The following MYO1H variants were observed in gnomAD, a reference collection of about 807,000 sequenced individuals.
MYO1H encodes the protein myosin IH.
Under a neutral mutation model 149.3 loss-of-function variants are expected in MYO1H, and 118 were observed. That is an observed-to-expected ratio of 0.79 (90% confidence interval 0.68 to 0.92). The LOEUF is 0.92. Among genes scored for constraint, MYO1H ranks in the 40% least tolerant of loss-of-function variants. The probability of loss-of-function intolerance (pLI) is 0.00; values close to 1 mark genes in which losing one functional copy is unlikely to be tolerated. For missense variants in MYO1H, 1,212 were observed against 1,280.7 expected, an observed-to-expected ratio of 0.95 and a Z score of 0.82; for synonymous variants, 447 against 465.2, an observed-to-expected ratio of 0.96 and a Z score of 0.50.
At chr12:109,433,034 A>C in intron 20 of MYO1H, 24 bp downstream of exon 20, 8 of 1,547,050 alleles carry the variant, frequency 5.2e-6, no homozygotes, top group African/African-American at 1.4e-5. Flanking sequence ...AGACCACCAA[A>C]TGGTCTCTTC....
At chr12:109,397,625 C>T in intron 4 of MYO1H, 107 bp from the exon 5 acceptor site, 2 of 791,390 alleles carry the variant, frequency 2.5e-6, no homozygotes, top group Non-Finnish European at 1.9e-6. Context: ...TCCCTGGCTC[C>T]TTCCGCTCTC....
chr12:109,405,929 T>G, exon 8 of MYO1H: 1 of 1,608,962 alleles, frequency 6.2e-7, no homozygotes, highest in South Asian at 1.1e-5. Context: ...TAGAATCTCT[T>G]TGGAATTATT....
At chr12:109,393,575 C>CCATT in intron 3 of MYO1H, 129 bp downstream of exon 3, 1 of 649,266 alleles carries the variant, frequency 1.5e-6, no homozygotes, top group South Asian at 1.8e-5. Context: ...ATCCATCCAT[C>CCATT]CGCCCACCCA....
intron 2 of MYO1H, 67 bp from the exon 3 acceptor site, chr12:109,393,264 G>A (rs1869736827): frequency 3.2e-6 from 3 of 937,080 alleles, no homozygotes; most frequent in Non-Finnish European, 5.1e-6. Context: ...AACACATGGG[G>A]ATCATCATGT....
chr12:109,445,546 C>T (rs1872442440), exon 31 of MYO1H: 1 of 1,612,002 alleles, frequency 6.2e-7, no homozygotes, highest in East Asian at 2.2e-5. Flanking sequence ...GAAAAGAAGG[C>T]ACAATAGTTT....
chr12:109,430,610 A>T (rs945512131), intron 19 of MYO1H, among the ~76,000 whole-genome samples: 1 of 152,174 alleles, frequency 6.6e-6, no homozygotes, highest in Non-Finnish European at 1.5e-5. Context: ...CCCTTAAAGA[A>T]CATGCTCATA....
At chr12:109,317,228 T>C in the MYO1H span, among the ~76,000 whole-genome samples, 13 of 152,232 alleles carry the variant, frequency 8.5e-5, no homozygotes, top group East Asian at 3.8e-4. Flanking sequence ...GGCACACTTA[T>C]ACGCACAATC....
At chr12:109,349,497 C>CACAA (rs1868409182) in intron 1 of MYO1H, among the ~76,000 whole-genome samples, 2 of 144,428 alleles carry the variant, frequency 1.4e-5, no homozygotes, top group Non-Finnish European at 1.5e-5. Context: ...ACCCCCCCAC[C>CACAA]AAAAAAATTA....
chr12:109,328,901 C>T, the MYO1H span, among the ~76,000 whole-genome samples: 6 of 152,276 alleles, frequency 3.9e-5, 1 homozygote, highest in South Asian at 2.1e-4. Flanking sequence ...TCTTGAAATT[C>T]GCTGGGAGAG....
intron 16 of MYO1H, among the ~76,000 whole-genome samples, chr12:109,421,435 T>G (rs1487746380): frequency 1.3e-5 from 2 of 152,098 alleles, no homozygotes; most frequent in African/African-American, 4.8e-5. Flanking sequence ...TTTAGGTGAT[T>G]AGAGAAAACA....
At chr12:109,368,069 C>T (rs1216856584) in intron 1 of MYO1H, among the ~76,000 whole-genome samples, 1 of 152,234 alleles carries the variant, frequency 6.6e-6, no homozygotes, top group Admixed American at 6.5e-5. Flanking sequence ...TCCAAATTGT[C>T]TTGACCTAGC....
At chr12:109,347,112 T>C (rs1399080235), upstream of MYO1H, among the ~76,000 whole-genome samples, 2 of 152,190 alleles carry the variant, frequency 1.3e-5, no homozygotes, top group African/African-American at 4.8e-5. Context: ...CAGGGGGTGC[T>C]GTTTAGGTTC....
chr12:109,414,350 G>A (rs886804785), intron 14 of MYO1H, among the ~76,000 whole-genome samples: 4 of 151,770 alleles, frequency 2.6e-5, no homozygotes, highest in South Asian at 2.1e-4. Context: ...GGTGGCTTAC[G>A]CCTGTAATCC....
chr12:109,327,000 T>C, the MYO1H span, among the ~76,000 whole-genome samples: 1 of 152,154 alleles, frequency 6.6e-6, no homozygotes, highest in Non-Finnish European at 1.5e-5. Context: ...ATATTAACAC[T>C]GTTATTACAT....
At chr12:109,369,409 G>T (rs1272024643) in intron 1 of MYO1H, among the ~76,000 whole-genome samples, 2 of 152,190 alleles carry the variant, frequency 1.3e-5, no homozygotes, top group African/African-American at 4.8e-5. Flanking sequence ...TGATATCGAG[G>T]CATAAATTTT....
chr12:109,326,929 T>C, the MYO1H span, among the ~76,000 whole-genome samples: 3 of 151,652 alleles, frequency 2.0e-5, no homozygotes, highest in Non-Finnish European at 4.4e-5. Context: ...TTATAAACTT[T>C]CCCCCCACTC....
intron 14 of MYO1H, among the ~76,000 whole-genome samples, chr12:109,413,585 C>T (rs951283313): frequency 1.3e-5 from 2 of 152,160 alleles, no homozygotes; most frequent in East Asian, 3.8e-4. Flanking sequence ...TCTATAACTG[C>T]ATGCAATGAT....
intron 17 of MYO1H, among the ~76,000 whole-genome samples, chr12:109,425,693 C>T (rs1249731167): frequency 6.6e-6 from 1 of 152,204 alleles, no homozygotes; most frequent in African/African-American, 2.4e-5. Context: ...CTCACCACGT[C>T]TTTGCTGAGC....
rs959899379 is a variant in MYO1H at position 109,393,273 on chromosome 12, G to T, written c.175-58G>T. The stretch of plus-strand genomic sequence containing the variant: ...GGAATGAACACATGGGGATCATCAT[G>T]TGTGACAGTCTTTTGCACCCCAGAA... On this transcript the variant is annotated intron_variant, in intron 2 of 31. Coordinates refer to ENST00000310903, the Ensembl canonical transcript of MYO1H. 5.0e-6 allele frequency: 5 copies of T among 1,006,632 alleles called. No individual in the cohort carries two copies. The African/African-American group carries it at 8.0e-5, about 16-fold the overall frequency. The allele number at this position is 1,006,632 out of a possible 1,614,324, so 62.4% of individuals were successfully genotyped here.
Sources: gnomAD v4.1 joint callset for allele counts (sites outside exome capture counted in the v4.1 genomes callset) on GRCh38, gnomAD v4.1.1 for gene constraint, MANE v1.5 for transcripts, NCBI Gene and HGNC (gene_info 2026-07-23, HGNC 2026-07-21) for gene names.